The following PBX3 variants were observed in gnomAD, a reference collection of about 807,000 sequenced individuals.
The protein encoded by PBX3 is pre-B-cell leukemia transcription factor 3.
PBX3 carries 14 observed loss-of-function variants against 48.5 expected under a neutral mutation model. That is an observed-to-expected ratio of 0.29 (90% CI 0.19 to 0.45). The LOEUF (loss-of-function observed/expected upper bound fraction) is 0.45. PBX3 is among the 20% of genes least tolerant of loss of function. The pLI, the probability that PBX3 is intolerant of heterozygous loss-of-function variation, is 1.00. For missense variants in PBX3, 386 were observed against 546.7 expected, an observed-to-expected ratio of 0.71 and a Z score of 2.93; for synonymous variants, 210 against 200.3, an observed-to-expected ratio of 1.05 and a Z score of -0.41.
intron 2 of PBX3, among the ~76,000 whole-genome samples, chr9:125,776,240 C>T (rs1332454948): frequency 6.6e-6 from 1 of 152,096 alleles, no homozygotes; most frequent in East Asian, 1.9e-4. Context: ...TCCATAAAAG[C>T]TATTTACCAT....
intron 5 of PBX3, among the ~76,000 whole-genome samples, chr9:125,950,041 C>CG (rs1842159310): frequency 6.6e-6 from 1 of 150,670 alleles, no homozygotes; most frequent in African/African-American, 2.5e-5. Flanking sequence ...ATACCTACCA[C>CG]ATTTTTTTTT....
At chr9:125,835,522 G>GA (rs370603481) in intron 2 of PBX3, among the ~76,000 whole-genome samples, 31 of 148,718 alleles carry the variant, frequency 2.1e-4, no homozygotes, top group Middle Eastern at 3.4e-3. Context: ...CTCTATAGCA[G>GA]AAAAAAAAAA....
intron 2 of PBX3, among the ~76,000 whole-genome samples, chr9:125,888,182 G>A (rs1046586004): frequency 6.6e-6 from 1 of 152,074 alleles, no homozygotes; most frequent in African/African-American, 2.4e-5. Flanking sequence ...GATTAAAAAT[G>A]ACTTGAATAT....
intron 2 of PBX3, among the ~76,000 whole-genome samples, chr9:125,825,356 G>A (rs912288809): frequency 1.3e-5 from 2 of 151,952 alleles, no homozygotes; most frequent in Admixed American, 6.6e-5. Context: ...AGTATTTACT[G>A]TATTAGAAAT....
At chr9:125,796,487 G>C (rs1347618881) in intron 2 of PBX3, among the ~76,000 whole-genome samples, 1 of 152,146 alleles carries the variant, frequency 6.6e-6, no homozygotes, top group South Asian at 2.1e-4. Context: ...GCGGGCTGTT[G>C]TATTAAATTG....
chr9:125,955,272 T>G (rs1199887356), intron 5 of PBX3, among the ~76,000 whole-genome samples: 1 of 152,084 alleles, frequency 6.6e-6, no homozygotes, highest in Non-Finnish European at 1.5e-5. Flanking sequence ...GCCCAGAGCT[T>G]CTCCCGCTTC....
At chr9:125,755,419 TTAGAG>T (rs1452062879) in intron 2 of PBX3, among the ~76,000 whole-genome samples, 1 of 152,072 alleles carries the variant, frequency 6.6e-6, no homozygotes, top group Non-Finnish European at 1.5e-5. Flanking sequence ...GTAAAAGTGT[TTAGAG>T]AGAGAGGATA....
chr9:125,753,778 C>T (rs1836440616), intron 2 of PBX3, among the ~76,000 whole-genome samples: 1 of 152,042 alleles, frequency 6.6e-6, no homozygotes. Flanking sequence ...CCAAAGAGCA[C>T]ACTGGTTGAT....
rs1836740243 is a variant in PBX3 at position 125,764,005 on chromosome 9, A to G, written c.274+15382A>G. 4.6e-5 allele frequency among the ~76,000 whole-genome samples: 7 copies of G among 152,310 alleles called. No homozygotes were observed. In the South Asian group the frequency reaches 1.5e-3, roughly 32 times the overall value. On this transcript the variant is annotated intron_variant, in intron 2 of 8. Transcript: ENST00000373489. Reference sequence around the variant, plus strand: ...TTCACTTGTTAGATCATTTCCCTTCATGTCAGAATAATTAGTGTAATTAGA... The same window carrying G: ...TTCACTTGTTAGATCATTTCCCTTCGTGTCAGAATAATTAGTGTAATTAGA...
intron 2 of PBX3, among the ~76,000 whole-genome samples, chr9:125,895,471 A>G (rs2132400422): frequency 6.6e-6 from 1 of 152,190 alleles, no homozygotes; most frequent in South Asian, 2.1e-4. Flanking sequence ...CAGAATTTAA[A>G]CTTGCATTTT....
intron 2 of PBX3, among the ~76,000 whole-genome samples, chr9:125,824,037 C>G (rs746118289): frequency 6.7e-6 from 1 of 150,238 alleles, no homozygotes; most frequent in Non-Finnish European, 1.5e-5. Context: ...GATCGTGCCA[C>G]TGCACTCCAG....
At chr9:125,827,265 A>AAAT (rs1838834555) in intron 2 of PBX3, among the ~76,000 whole-genome samples, 1 of 152,162 alleles carries the variant, frequency 6.6e-6, no homozygotes, top group African/African-American at 2.4e-5. Context: ...TTTGCTTATG[A>AAAT]AATATTTCAA....
At chr9:125,857,959 A>T (rs1839765260) in intron 2 of PBX3, among the ~76,000 whole-genome samples, 1 of 152,204 alleles carries the variant, frequency 6.6e-6, no homozygotes, top group Non-Finnish European at 1.5e-5. Context: ...AGTCAATTGG[A>T]GTAAGGCTGC....
rs189234527 is a variant in PBX3, at chr9:125,805,201, G to A, written c.274+56578G>A. On this transcript the variant is annotated intron_variant, in intron 2 of 8. Coordinates refer to ENST00000373489, the MANE Select transcript of PBX3 (RefSeq NM_006195.6). Reference sequence around the variant, plus strand: ...AAAAAACTGGGAGAAGAGCATTCCAGGAAGAGGGACTGCCAAGTGCACAGG... The same window carrying A: ...AAAAAACTGGGAGAAGAGCATTCCAAGAAGAGGGACTGCCAAGTGCACAGG... Among the ~76,000 whole-genome samples, 6 of 152,164 alleles carry A rather than the reference G, an allele frequency of 3.9e-5. No homozygotes were observed. In the East Asian group the frequency reaches 1.2e-3, roughly 29 times the overall value.
chr9:125,961,704 AG>A (rs1040296786), intron 6 of PBX3, among the ~76,000 whole-genome samples: 10 of 152,204 alleles, frequency 6.6e-5, no homozygotes, highest in African/African-American at 2.4e-4. Context: ...CTCCTGGAAA[AG>A]TCTCTTCTCT....
intron 5 of PBX3, among the ~76,000 whole-genome samples, chr9:125,945,809 A>T (rs942108473): frequency 1.3e-5 from 2 of 152,162 alleles, no homozygotes; most frequent in African/African-American, 4.8e-5. Context: ...TGGAAATATA[A>T]CTCAGAAGAA....
chr9:125,844,992 A>C (rs1358594586), intron 2 of PBX3: 1 of 152,126 alleles, frequency 6.6e-6, no homozygotes, highest in African/African-American at 2.4e-5. Context: ...GGTGAGGTTT[A>C]AACATAATTA....
chr9:125,784,955 T>C (rs1285107575), intron 2 of PBX3, among the ~76,000 whole-genome samples: 1 of 152,212 alleles, frequency 6.6e-6, no homozygotes, highest in Non-Finnish European at 1.5e-5. Flanking sequence ...TATGATGCTT[T>C]TAAATGTCCT....
chr9:125,845,959 A>C (rs1839416946), intron 2 of PBX3, among the ~76,000 whole-genome samples: 2 of 152,154 alleles, frequency 1.3e-5, no homozygotes, highest in Non-Finnish European at 2.9e-5. Flanking sequence ...TTTATGCAAT[A>C]GGCCTTGACT....
Sources: gnomAD v4.1 joint callset for allele counts (sites outside exome capture counted in the v4.1 genomes callset) on GRCh38, gnomAD v4.1.1 for gene constraint, MANE v1.5 for transcripts, NCBI Gene and HGNC (gene_info 2026-07-23, HGNC 2026-07-21) for gene names.